Variants in BDH2 observed in about 807,000 individuals in gnomAD.
BDH2 encodes the protein 3-hydroxybutyrate dehydrogenase 2.
BDH2 carries 24 observed loss-of-function variants against 33.2 expected under a neutral mutation model. The ratio of observed to expected loss-of-function variants is 0.72; its 90% CI spans 0.52 to 1.02. The LOEUF (loss-of-function observed/expected upper bound fraction) is 1.02, where lower values mean the gene tolerates loss of function less well. Among genes scored for constraint, BDH2 ranks in the 50% least tolerant of loss-of-function variants. BDH2 has a pLI of 0.00. For synonymous variants in BDH2, 81 were observed against 101.6 expected (o/e 0.80, Z 1.22); for missense variants, 249 against 301.6 (o/e 0.83, Z 1.29).
rs1206688796 is a variant in BDH2, at chr4:103,085,711, G to A, written c.419-249C>T. 4 of 1,422,582 alleles carry A rather than the reference G, an allele frequency of 2.8e-6. 1 individual carries two copies. The South Asian group carries it at 4.9e-5, about 17-fold the overall frequency. The allele number at this position is 1,422,582 out of a possible 1,614,324, so 88.1% of individuals were successfully genotyped here. ...ATGCTGAACTTACTTAACATTGGTA[G>A]TCTTAGTTTCTCATCATCAGTTGCC... On this transcript the variant is annotated intron_variant, in intron 6 of 9. Coordinates refer to ENST00000296424, the MANE Select transcript of BDH2 (RefSeq NM_020139.4).
chr4:103,093,409 C>G (rs1054465970), intron 3 of BDH2, among the ~76,000 whole-genome samples: 2 of 151,738 alleles, frequency 1.3e-5, no homozygotes, highest in Non-Finnish European at 2.9e-5. Flanking sequence ...GGGATGACAC[C>G]CTTGAAGGCT....
chr4:103,092,087 A>G (rs891562786), intron 4 of BDH2, among the ~76,000 whole-genome samples: 2 of 152,208 alleles, frequency 1.3e-5, no homozygotes, highest in Non-Finnish European at 2.9e-5. Flanking sequence ...TATGTAATTC[A>G]TTATAAAATA....
intron 6 of BDH2, chr4:103,086,186 AT>A (rs1308447868): frequency 1.7e-6 from 2 of 1,175,494 alleles, no homozygotes; most frequent in Non-Finnish European, 2.1e-6. Context: ...ACTATTTTAA[AT>A]TAATTAAATG....
chr4:103,084,671 GT>G (rs1459355465), intron 7 of BDH2, among the ~76,000 whole-genome samples: 1 of 152,132 alleles, frequency 6.6e-6, no homozygotes, highest in Non-Finnish European at 1.5e-5. Flanking sequence ...CGTTACCTAC[GT>G]TTACATTTCT....
chr4:103,092,014 G>A (rs1051994110), intron 4 of BDH2, among the ~76,000 whole-genome samples: 6 of 152,144 alleles, frequency 3.9e-5, no homozygotes, highest in African/African-American at 1.4e-4. Context: ...TTCAAGTTAC[G>A]TTTTCTGAGG....
At chr4:103,088,759 C>A (rs952298918) in intron 5 of BDH2, among the ~76,000 whole-genome samples, 15 of 152,216 alleles carry the variant, frequency 9.9e-5, no homozygotes, top group African/African-American at 3.6e-4. Context: ...GGCCAGAGCT[C>A]AGCCCCTAAC....
chr4:103,093,758 A>T (rs11734318), intron 3 of BDH2, among the ~76,000 whole-genome samples: 19,495 of 146,626 alleles, frequency 0.13, 1,489 homozygotes, highest in South Asian at 0.27. Context: ...TATAATGTGT[A>T]TTATATTTTA....
Position 103,079,583 on chromosome 4 carries a change from A to G in BDH2, c.*119T>C. Reference sequence around the variant, plus strand: ...TGCAAACAGTGACATCATTAAAAAGAGCTTATTTTCATTAACATGTGATTA... The same window carrying G: ...TGCAAACAGTGACATCATTAAAAAGGGCTTATTTTCATTAACATGTGATTA... On this transcript the variant is annotated 3_prime_UTR_variant, in exon 10 of 10. Transcript: ENST00000296424. 1 of 937,444 alleles carries G rather than the reference A, an allele frequency of 1.1e-6. No individual in the cohort carries two copies. The highest frequency in any genetic ancestry group is 1.7e-6 in the Non-Finnish European group (1 of 593,330). The allele number at this position is 937,444 out of a possible 1,614,324, so 58.1% of individuals were successfully genotyped here.
chr4:103,079,660 T>TAG lies in BDH2; in HGVS notation c.*40_*41dup. 1 of 1,581,648 alleles carries TAG rather than the reference T, an allele frequency of 6.3e-7. No individual in the cohort carries two copies. Reference sequence around the variant, plus strand: ...TCTTCGTAACCAGGTTCACTGTGGATAGGAAGGGCCTGCCTTCCTTCCCAC... The same window carrying TAG: ...TCTTCGTAACCAGGTTCACTGTGGATAGAGGAAGGGCCTGCCTTCCTTCCCAC... On this transcript the variant is annotated 3_prime_UTR_variant, in exon 10 of 10. Transcript: ENST00000296424.
intron 3 of BDH2, among the ~76,000 whole-genome samples, chr4:103,094,148 A>G (rs1179744083): frequency 6.6e-6 from 1 of 152,156 alleles, no homozygotes; most frequent in Non-Finnish European, 1.5e-5. Context: ...GTACTCTCTT[A>G]GGGTTTCTCA....
At chr4:103,084,171 T>C (rs1309730706) in intron 7 of BDH2, among the ~76,000 whole-genome samples, 2 of 152,236 alleles carry the variant, frequency 1.3e-5, no homozygotes, top group Non-Finnish European at 2.9e-5. Flanking sequence ...TCACTAACAC[T>C]CCTTCAGAAT....
chr4:103,081,846 T>A (rs566067908), intron 9 of BDH2, among the ~76,000 whole-genome samples: 1 of 152,212 alleles, frequency 6.6e-6, no homozygotes, highest in Non-Finnish European at 1.5e-5. Context: ...ACTTTTTTAG[T>A]CCTCCATTTT....
chr4:103,083,719 G>C (rs1038502376), intron 7 of BDH2, among the ~76,000 whole-genome samples: 1 of 152,088 alleles, frequency 6.6e-6, no homozygotes, highest in South Asian at 2.1e-4. Flanking sequence ...ATCTTTCTGA[G>C]GTTGTAACAA....
chr4:103,086,037 A>G, intron 6 of BDH2: 1 of 1,149,906 alleles, frequency 8.7e-7, no homozygotes, highest in Non-Finnish European at 1.1e-6. Context: ...ACAGGCAGTT[A>G]TTTCCCTGTA....
intron 7 of BDH2, among the ~76,000 whole-genome samples, chr4:103,084,326 A>C (rs891738833): frequency 1.3e-5 from 2 of 152,188 alleles, no homozygotes; most frequent in Non-Finnish European, 2.9e-5. Flanking sequence ...AGCTGTGTCC[A>C]TGGCACAGAC....
chr4:103,089,038 C>T (rs1427160055), intron 5 of BDH2, among the ~76,000 whole-genome samples: 1 of 152,162 alleles, frequency 6.6e-6, no homozygotes, highest in Non-Finnish European at 1.5e-5. Context: ...TTGTTCTCTG[C>T]CTTTTGACTG....
chr4:103,091,773 A>T, intron 4 of BDH2: 1 of 456,006 alleles, frequency 2.2e-6, no homozygotes. Flanking sequence ...GAGAAAAAAC[A>T]TCTGCCCTAT....
chr4:103,088,696 C>G (rs570502685), intron 5 of BDH2, among the ~76,000 whole-genome samples: 3 of 152,208 alleles, frequency 2.0e-5, no homozygotes, highest in African/African-American at 7.2e-5. Flanking sequence ...CTTAAGAGTC[C>G]CTGGAGCTGT....
Position 103,082,083 on chromosome 4 carries a change from CA to C in BDH2, c.681del (p.Asp227GlufsTer6). 1 of 1,613,642 alleles carries C rather than the reference CA, an allele frequency of 6.2e-7. No homozygotes were observed. Among genetic ancestry groups the C allele is most frequent in the Middle Eastern group, 1.7e-4 (1 of 6,052 alleles). ...IAMLCVYLAS[D>X]ESAYVTGNPV... ...TCCTTGGGAAGAATAGTGCTTACTT[CA>C]TCAGAAGCCAAATACACGCAGAGCA... On this transcript the variant is annotated frameshift_variant, in exon 9 of 10. Transcript: ENST00000296424.
Sources: allele counts gnomAD v4.1 joint callset (sites outside exome capture counted in the v4.1 genomes callset), GRCh38; gene constraint gnomAD v4.1.1; transcripts MANE v1.5; gene names NCBI Gene and HGNC (gene_info 2026-07-23, HGNC 2026-07-21).